The following UFSP2 variants were observed in gnomAD, a reference collection of about 807,000 sequenced individuals.
UFSP2 encodes the protein ufm1-specific protease 2.
Under a neutral mutation model 60.2 loss-of-function variants are expected in UFSP2, and 43 were observed. That is an observed-to-expected ratio of 0.71 (90% CI 0.56 to 0.92). The LOEUF (loss-of-function observed/expected upper bound fraction) is 0.92. Among genes scored for constraint, UFSP2 ranks in the 40% least tolerant of loss-of-function variants. UFSP2 has a pLI of 0.00. For missense variants in UFSP2, 520 were observed against 575.0 expected (o/e 0.90, Z 0.98); for synonymous variants, 183 against 195.1 (o/e 0.94, Z 0.52).
rs144904934 is a variant in UFSP2 at position 185,415,364 on chromosome 4, A to T, written c.492-17T>A. ...TTACGAACTCTGTGGGGGGAAATAT[A>T]TAAGTGTATTAACAAAAGTTATAGT... is the stretch of plus-strand genomic sequence containing the variant. On this transcript the variant is annotated splice_polypyrimidine_tract_variant and intron_variant, in intron 5 of 11. Transcript: ENST00000264689. The T allele has an allele frequency of 6.5e-7, 1 of 1,546,676 alleles. No individual in the cohort carries two copies. Among genetic ancestry groups the T allele is most frequent in the Admixed American group, 2.3e-5 (1 of 42,934 alleles).
intron 1 of UFSP2, among the ~76,000 whole-genome samples, chr4:185,423,980 A>T (rs1031670097): frequency 4.6e-5 from 7 of 152,154 alleles, no homozygotes; most frequent in Non-Finnish European, 8.8e-5. Flanking sequence ...TAAATGAATA[A>T]GTACTAACAT....
intron 11 of UFSP2, chr4:185,402,237 ATACTG>A: frequency 2.2e-6 from 1 of 446,872 alleles, no homozygotes; most frequent in Non-Finnish European, 4.5e-6. Context: ...ACTTTAATAA[ATACTG>A]AATGGAATGA....
At chr4:185,413,585 A>G (rs547548796) in intron 7 of UFSP2, 141 bp downstream of exon 7, 18 of 779,796 alleles carry the variant, frequency 2.3e-5, no homozygotes, top group Middle Eastern at 2.8e-4. Flanking sequence ...ATCTTAAGCA[A>G]TGTCTGTTAA....
rs150364304 is a variant in UFSP2 at position 185,414,644 on chromosome 4, A to G, written c.684+511T>C. ...ACATATCAAAAAGATGCACTCCAAAACCAGTCATGAGTAAATCTCATTACT... is the reference window on the plus strand; with the variant it reads ...ACATATCAAAAAGATGCACTCCAAAGCCAGTCATGAGTAAATCTCATTACT... On this transcript the variant is annotated intron_variant, in intron 6 of 11. Transcript: ENST00000264689. Among the ~76,000 whole-genome samples the G allele has an allele frequency of 2.9e-3, 438 of 152,264 alleles. 1 individual carries two copies. The highest frequency in any genetic ancestry group is 0.01 in the Middle Eastern group (3 of 294).
In UFSP2 at chr4:185,422,681, T is replaced by G. The variant is rs1004483530; in HGVS notation, c.4-118A>C. ...TAATTAACCTTGATTCTTCAAATTATTTCATGAGTTAATTCCTTGTTTTAT... is the reference window on the plus strand; with the variant it reads ...TAATTAACCTTGATTCTTCAAATTAGTTCATGAGTTAATTCCTTGTTTTAT... On this transcript the variant is annotated intron_variant, in intron 1 of 11. Coordinates refer to ENST00000264689, the MANE Select transcript of UFSP2 (RefSeq NM_018359.5). 9 of 726,018 alleles carry G rather than the reference T, an allele frequency of 1.2e-5. No homozygotes were observed. In the Admixed American group the frequency reaches 3.1e-4, roughly 25 times the overall value. 45.0% of individuals were successfully genotyped at this position (726,018 alleles called of 1,614,324 possible). A position where few individuals can be genotyped will look rare whatever the true frequency, so the allele number is the denominator to read the frequency against.
At chr4:185,407,025 T>C (rs866426860) in intron 9 of UFSP2, among the ~76,000 whole-genome samples, 2 of 150,024 alleles carry the variant, frequency 1.3e-5, no homozygotes, top group South Asian at 2.1e-4. Context: ...TTCTTTTTTT[T>C]TTTTTTTTTT....
chr4:185,411,584 A>C (rs779172159), intron 7 of UFSP2, among the ~76,000 whole-genome samples: 2 of 152,236 alleles, frequency 1.3e-5, no homozygotes, highest in Non-Finnish European at 2.9e-5. Context: ...TCATGAATGC[A>C]CATCTATATT....
At chr4:185,412,402 A>G (rs1316827241) in intron 7 of UFSP2, among the ~76,000 whole-genome samples, 2 of 152,148 alleles carry the variant, frequency 1.3e-5, no homozygotes, top group East Asian at 1.9e-4. Context: ...GTGGGCCCCT[A>G]ACTCATCTAG....
intron 1 of UFSP2, 32 bp from the exon 2 acceptor site, chr4:185,422,595 T>C (rs1341204567): frequency 6.8e-7 from 1 of 1,464,970 alleles, no homozygotes; most frequent in African/African-American, 1.4e-5. Flanking sequence ...ACAAACTCCC[T>C]TGTAAAACAA....
In UFSP2 at chr4:185,400,205, C is replaced by CT. The variant is rs2095511645; in HGVS notation, c.*186dup. 7.1e-6 allele frequency: 5 copies of CT among 702,880 alleles called. No individual in the cohort carries two copies. In the South Asian group the frequency reaches 8.1e-5, roughly 11 times the overall value. The allele number at this position is 702,880 out of a possible 1,614,324, so 43.5% of individuals were successfully genotyped here. The stretch of plus-strand genomic sequence containing the variant: ...GCCTATAATATGCTGGTTGTGTATG[C>CT]TTTGTCTTTTAAGTTATTAAAGGAA... On this transcript the variant is annotated 3_prime_UTR_variant, in exon 12 of 12. Coordinates refer to ENST00000264689, the MANE Select transcript of UFSP2 (RefSeq NM_018359.5).
rs568540117 is a variant in UFSP2 at position 185,415,922 on chromosome 4, A to G, written c.334-55T>C. The G allele has an allele frequency of 1.5e-5, 21 of 1,410,592 alleles. 1 individual carries two copies. The South Asian group carries it at 2.6e-4, about 17-fold the overall frequency. The allele number at this position is 1,410,592 out of a possible 1,614,324, so 87.4% of individuals were successfully genotyped here. A position where few individuals can be genotyped will look rare whatever the true frequency, so the allele number is the denominator to read the frequency against. On this transcript the variant is annotated intron_variant, in intron 4 of 11. Coordinates refer to ENST00000264689, the MANE Select transcript of UFSP2 (RefSeq NM_018359.5). The stretch of plus-strand genomic sequence containing the variant: ...GTAGTGCATTAAACACTAAATATAA[A>G]GAGTAAGTAAAAAGACTTTTCAAAA...
At position 185,422,544 on chromosome 4, in the gene UFSP2, T is replaced by A. The variant is rs757558542; in HGVS notation, c.23A>T (p.Asp8Val). 3 of 1,608,390 alleles carry A rather than the reference T, an allele frequency of 1.9e-6. No homozygotes were observed. The highest frequency in any genetic ancestry group is 2.5e-6 in the Non-Finnish European group (3 of 1,178,306). The change falls in exon 2 of 12, where the codon GAT becomes GTT. Residue 8 changes from aspartate (D) to valine (V), a missense_variant. Coordinates refer to ENST00000264689, the MANE Select transcript of UFSP2 (RefSeq NM_018359.5). MVISESM[D>V]ILFRIRGGLD... is the part of the protein sequence containing the mutation. Reference sequence around the variant, plus strand: ...GCCTCCTCTTATTCTGAAGAGTATATCCATACTTTCTGAAATCACCTAGAA... The same window carrying A: ...GCCTCCTCTTATTCTGAAGAGTATAACCATACTTTCTGAAATCACCTAGAA...
chr4:185,417,045 A>T (rs2095539985), intron 4 of UFSP2, among the ~76,000 whole-genome samples: 1 of 152,234 alleles, frequency 6.6e-6, no homozygotes, highest in Non-Finnish European at 1.5e-5. Flanking sequence ...TAAGGGAAAA[A>T]ATAGTACCTT....
chr4:185,404,940 T>A (rs150713785), intron 10 of UFSP2, among the ~76,000 whole-genome samples: 92 of 151,822 alleles, frequency 6.1e-4, no homozygotes, highest in African/African-American at 2.0e-3. Flanking sequence ...CGTGAGCTAC[T>A]GGGCCCGGCC....
chr4:185,418,405 AT>A (rs749634040), intron 4 of UFSP2, 35 bp downstream of exon 4: 2 of 1,499,610 alleles, frequency 1.3e-6, no homozygotes, highest in East Asian at 4.5e-5. Context: ...AAGATTTAAC[AT>A]TTTTATCAGT....
chr4:185,415,443 T>C (rs567478423), intron 5 of UFSP2, 96 bp from the exon 6 acceptor site: 16 of 1,074,848 alleles, frequency 1.5e-5, no homozygotes, highest in Admixed American at 1.0e-4. Flanking sequence ...AGTAAAAAAC[T>C]TGATTGGACC....
At chr4:185,409,861 C>T (rs752661916) in intron 7 of UFSP2, among the ~76,000 whole-genome samples, 9 of 151,954 alleles carry the variant, frequency 5.9e-5, no homozygotes, top group East Asian at 1.9e-4. Context: ...AGGCAGAGAT[C>T]GGAATGATGG....
intron 4 of UFSP2, among the ~76,000 whole-genome samples, chr4:185,418,063 C>CACACACACACACACACAA (rs2095542287): frequency 6.6e-6 from 1 of 150,492 alleles, no homozygotes; most frequent in Non-Finnish European, 1.5e-5. Flanking sequence ...CACACACACA[C>CACACACACACACACACAA]ACACAAACAA....
rs150877173 is a variant in UFSP2, at chr4:185,400,062, T to C, written c.*330A>G. 1,189 of 1,519,586 alleles carry C rather than the reference T, an allele frequency of 7.8e-4. 9 individuals carry two copies. The African/African-American group carries it at 0.015, about 19-fold the overall frequency. 94.1% of individuals were successfully genotyped at this position (1,519,586 alleles called of 1,614,324 possible). On this transcript the variant is annotated 3_prime_UTR_variant, in exon 12 of 12. Transcript: ENST00000264689. ...AAGTCTGAAGAACGCCTTCATTTCA[T>C]GCAAATCTATAAGCTCCTGCTTTTG...
Sources: gnomAD v4.1 joint callset for allele counts (sites outside exome capture counted in the v4.1 genomes callset) on GRCh38, gnomAD v4.1.1 for gene constraint, MANE v1.5 for transcripts, NCBI Gene and HGNC (gene_info 2026-07-23, HGNC 2026-07-21) for gene names.